The following NRF1 variants were observed in gnomAD, a reference collection of about 807,000 sequenced individuals.
NRF1 encodes the protein alpha palindromic-binding protein.
Under a neutral mutation model 58.5 loss-of-function variants are expected in NRF1, and 5 were observed. That is an observed-to-expected ratio of 0.09 (90% CI 0.04 to 0.18). The LOEUF (loss-of-function observed/expected upper bound fraction) is 0.18, where lower values mean the gene tolerates loss of function less well. Ranked by LOEUF, NRF1 falls within the 10% of genes least tolerant of loss-of-function variation. NRF1 has a pLI of 1.00. For synonymous variants in NRF1, 224 were observed against 246.7 expected (o/e 0.91, Z 0.86); for missense variants, 288 against 657.7 (o/e 0.44, Z 6.15).
chr7:129,621,464 T>C (rs1230102806), intron 1 of NRF1, among the ~76,000 whole-genome samples: 2 of 152,186 alleles, frequency 1.3e-5, no homozygotes, highest in African/African-American at 4.8e-5. Flanking sequence ...GAATGGAGTA[T>C]TTTGTCTTTT....
At chr7:129,640,214 C>T (rs1037657170) in intron 1 of NRF1, among the ~76,000 whole-genome samples, 6 of 152,034 alleles carry the variant, frequency 3.9e-5, no homozygotes, top group South Asian at 2.1e-4. Flanking sequence ...ACACACATAC[C>T]GTTTTATAAT....
intron 1 of NRF1, among the ~76,000 whole-genome samples, chr7:129,652,843 T>C (rs547943551): frequency 4.8e-4 from 73 of 152,244 alleles, no homozygotes; most frequent in African/African-American, 1.6e-3. Flanking sequence ...CTGCCTGCCT[T>C]GGCCTCCCAA....
chr7:129,664,072 C>T (rs892897355), intron 2 of NRF1, among the ~76,000 whole-genome samples: 7 of 139,842 alleles, frequency 5.0e-5, no homozygotes, highest in South Asian at 2.5e-4. Context: ...TTGCAGGGAG[C>T]GGAGATCTTG....
At chr7:129,638,202 G>A (rs1266293790) in intron 1 of NRF1, among the ~76,000 whole-genome samples, 1 of 151,654 alleles carries the variant, frequency 6.6e-6, no homozygotes, top group Non-Finnish European at 1.5e-5. Flanking sequence ...ATCAAGACCT[G>A]TGTTATCCCA....
intron 10 of NRF1, among the ~76,000 whole-genome samples, chr7:129,735,525 C>T (rs1803686946): frequency 6.6e-6 from 1 of 151,892 alleles, no homozygotes; most frequent in Non-Finnish European, 1.5e-5. Flanking sequence ...GTGAGACTTC[C>T]TAGTAAATAA....
chr7:129,709,119 A>T lies in NRF1; in HGVS notation c.651A>T (p.Thr217=). Residue 217 remains threonine, a synonymous_variant, in exon 6 of 11, where the codon ACA becomes ACT. Coordinates refer to ENST00000393232, the MANE Select transcript of NRF1 (RefSeq NM_005011.5). ...TCCCAGAGATGCTCAAGTACTCTAC[A>T]GGTCGGGGAAAACCAGGCTGGGGGA... ...AFIPEMLKYS[T]GRGKPGWGKE... 6.3e-7 allele frequency: 1 copy of T among 1,596,442 alleles called. No individual in the cohort carries two copies. The highest frequency in any genetic ancestry group is 8.5e-7 in the Non-Finnish European group (1 of 1,170,606).
intron 10 of NRF1, among the ~76,000 whole-genome samples, chr7:129,730,020 A>G (rs1198086818): frequency 6.6e-6 from 1 of 151,584 alleles, no homozygotes; most frequent in East Asian, 1.9e-4. Flanking sequence ...TTGTGTTTTT[A>G]ATGGAGATGG....
At chr7:129,710,839 G>C (rs7778540) in intron 7 of NRF1, among the ~76,000 whole-genome samples, 2 of 151,030 alleles carry the variant, frequency 1.3e-5, no homozygotes, top group East Asian at 1.9e-4. Context: ...ATCTCTCTCT[G>C]TCATCACAGC....
chr7:129,729,261 G>A (rs780682164), intron 10 of NRF1, among the ~76,000 whole-genome samples: 3 of 152,096 alleles, frequency 2.0e-5, no homozygotes, highest in Admixed American at 1.3e-4. Context: ...TCTGGCTCTC[G>A]GCCAAGTAGA....
intron 1 of NRF1, among the ~76,000 whole-genome samples, chr7:129,622,267 A>AT (rs1800816262): frequency 1.3e-5 from 2 of 152,294 alleles, no homozygotes; most frequent in African/African-American, 2.4e-5. Context: ...AGATAACACA[A>AT]TTATGGCCCT....
At chr7:129,691,754 A>G (rs1008385332) in intron 5 of NRF1, among the ~76,000 whole-genome samples, 1 of 151,954 alleles carries the variant, frequency 6.6e-6, no homozygotes, top group East Asian at 1.9e-4. Flanking sequence ...GACATAGTTG[A>G]TTACTCCTTA....
intron 5 of NRF1, among the ~76,000 whole-genome samples, chr7:129,698,303 C>T (rs1167292478): frequency 7.9e-6 from 1 of 125,828 alleles, no homozygotes; most frequent in Non-Finnish European, 1.5e-5. Context: ...CTTTTGGTGC[C>T]ATGACTTGGA....
At chr7:129,649,515 T>C (rs1801487186) in intron 1 of NRF1, among the ~76,000 whole-genome samples, 1 of 152,222 alleles carries the variant, frequency 6.6e-6, no homozygotes, top group Non-Finnish European at 1.5e-5. Flanking sequence ...ATCTCATCCA[T>C]TATGTGTGGA....
intron 1 of NRF1, among the ~76,000 whole-genome samples, chr7:129,618,644 A>C (rs1376613707): frequency 6.6e-6 from 1 of 152,172 alleles, no homozygotes; most frequent in Non-Finnish European, 1.5e-5. Context: ...GTAGCAAGCT[A>C]TGATAGGGCC....
Position 129,711,527 on chromosome 7 carries a change from C to A in NRF1, c.1016C>A (p.Thr339Asn). Residue 339 changes from threonine (T) to asparagine (N), a missense_variant, in exon 8 of 11, where the codon ACC (threonine) becomes AAC (asparagine). This residue lies in a region of NRF1 where 212 missense variants were observed against 559.7 expected (regional missense o/e 0.38). Transcript: ENST00000393232. Reference protein sequence around the residue: ...ATLADASELPTTVTVAQVNYS... With the variant: ...ATLADASELPNTVTVAQVNYS... The stretch of plus-strand genomic sequence containing the variant: ...TTGGCTGATGCTTCAGAATTGCCAA[C>A]CACGGTCACCGTTGCCCAAGTGAAT... The A allele has an allele frequency of 6.2e-7, 1 of 1,612,830 alleles. No individual in the cohort carries two copies. The highest frequency in any genetic ancestry group is 8.5e-7 in the Non-Finnish European group (1 of 1,179,494).
At chr7:129,707,528 A>G (rs892283394) in intron 5 of NRF1, among the ~76,000 whole-genome samples, 2 of 152,160 alleles carry the variant, frequency 1.3e-5, no homozygotes, top group African/African-American at 2.4e-5. Flanking sequence ...TTCTTGCTCT[A>G]TGTATTTGAG....
At chr7:129,694,161 A>T (rs1453894128) in intron 5 of NRF1, among the ~76,000 whole-genome samples, 1 of 152,322 alleles carries the variant, frequency 6.6e-6, no homozygotes, top group East Asian at 1.9e-4. Context: ...AAAGATGATG[A>T]CTAAAAAGTC....
chr7:129,706,757 A>G (rs1320686630), intron 5 of NRF1, among the ~76,000 whole-genome samples: 2 of 152,146 alleles, frequency 1.3e-5, no homozygotes, highest in Non-Finnish European at 2.9e-5. Flanking sequence ...CCAGGTGCCA[A>G]CGTGACCCAG....
At chr7:129,681,320 A>G (rs2151088088) in intron 4 of NRF1, among the ~76,000 whole-genome samples, 1 of 152,314 alleles carries the variant, frequency 6.6e-6, no homozygotes, top group Non-Finnish European at 1.5e-5. Flanking sequence ...ATAAATTTGT[A>G]TGGGTTTAAA....
Sources: gnomAD v4.1 joint callset for allele counts (sites outside exome capture counted in the v4.1 genomes callset) on GRCh38, gnomAD v4.1.1 for gene constraint, gnomAD v4.1.1 regional missense constraint, MANE v1.5 for transcripts, NCBI Gene and HGNC (gene_info 2026-07-23, HGNC 2026-07-21) for gene names.